The following C2CD2 variants were observed in gnomAD, a reference collection of about 807,000 sequenced individuals.
C2CD2 encodes C2 calcium dependent domain containing 2.
C2CD2 carries 43 observed loss-of-function variants against 74.3 expected under a neutral mutation model. The observed-to-expected ratio is 0.58, with a 90% CI of 0.45 to 0.75. The LOEUF (loss-of-function observed/expected upper bound fraction) is 0.75. Among genes scored for constraint, C2CD2 ranks in the 30% least tolerant of loss-of-function variants. The pLI, the probability that C2CD2 is intolerant of heterozygous loss-of-function variation, is 0.00. For missense variants in C2CD2, 801 were observed against 916.3 expected (o/e 0.87, Z 1.63); for synonymous variants, 422 against 390.7 (o/e 1.08, Z -0.94).
intron 1 of C2CD2, among the ~76,000 whole-genome samples, chr21:41,944,521 C>A (rs1315445889): frequency 2.7e-3 from 266 of 97,880 alleles, no homozygotes; most frequent in East Asian, 5.2e-3. Flanking sequence ...GACTCTGCCT[C>A]AAAAAAAAAA....
intron 11 of C2CD2, among the ~76,000 whole-genome samples, chr21:41,904,441 T>G (rs928543384): frequency 3.9e-5 from 6 of 152,174 alleles, no homozygotes; most frequent in African/African-American, 1.4e-4. Context: ...GAGTAGCCAT[T>G]CTTTTATTCC....
chr21:41,906,912 A>G, intron 10 of C2CD2, 80 bp downstream of exon 10: 3 of 1,113,576 alleles, frequency 2.7e-6, no homozygotes, highest in Non-Finnish European at 4.0e-6. Context: ...CAGGCTCCAG[A>G]ACTCTGCAGT....
chr21:41,949,784 T>G (rs2065435019), intron 1 of C2CD2, among the ~76,000 whole-genome samples: 1 of 152,300 alleles, frequency 6.6e-6, no homozygotes, highest in Middle Eastern at 3.4e-3. Flanking sequence ...GTGGCACATA[T>G]ACACCATGGA....
Position 41,947,112 on chromosome 21 carries a change from T to TTCTCTCCCTCTCTCTCTCTC in C2CD2, c.280-4868_280-4867insGAGAGAGAGAGAGGGAGAGA, listed in dbSNP as rs1555906756. On this transcript the variant is annotated intron_variant, in intron 1 of 13. Transcript: ENST00000380486. ...TTTCTTTCTTTCTTTCCTTTCTCTTTTCTCTCTCTCTCTCTCTCTCTCTCT... is the reference window on the plus strand; with the variant it reads ...TTTCTTTCTTTCTTTCCTTTCTCTTTTCTCTCCCTCTCTCTCTCTCTCTCTCTCTCTCTCTCTCTCTCTCT... Among the ~76,000 whole-genome samples the TTCTCTCCCTCTCTCTCTCTC allele has an allele frequency of 1.0e-3, 27 of 26,212 alleles. 3 individuals carry two copies. The highest frequency in any genetic ancestry group is 2.2e-3 in the African/African-American group (13 of 5,804). The allele number at this position is 26,212 out of a possible 152,430, so 17.2% of individuals were successfully genotyped here. A position where few individuals can be genotyped will look rare whatever the true frequency, so the allele number is the denominator to read the frequency against.
chr21:41,942,382 A>G, intron 1 of C2CD2, 137 bp from the exon 2 acceptor site: 1 of 679,814 alleles, frequency 1.5e-6, no homozygotes, highest in Non-Finnish European at 2.5e-6. Context: ...TTCTAATAGC[A>G]GCAATGGCTA....
intron 2 of C2CD2, among the ~76,000 whole-genome samples, chr21:41,930,655 T>C (rs1020318753): frequency 1.3e-5 from 2 of 149,232 alleles, no homozygotes; most frequent in African/African-American, 4.9e-5. Flanking sequence ...TAAGCCAAGA[T>C]TGCGCCACTG....
chr21:41,893,242 C>T (rs1456981277), intron 13 of C2CD2, among the ~76,000 whole-genome samples: 1 of 152,168 alleles, frequency 6.6e-6, no homozygotes, highest in African/African-American at 2.4e-5. Flanking sequence ...TGAAATTGTA[C>T]TACAAGTGCC....
At chr21:41,920,198 C>G (rs1263740096) in intron 3 of C2CD2, among the ~76,000 whole-genome samples, 1 of 152,360 alleles carries the variant, frequency 6.6e-6, no homozygotes, top group East Asian at 1.9e-4. Flanking sequence ...CCTGACAGCT[C>G]CTGGATTTGG....
intron 2 of C2CD2, among the ~76,000 whole-genome samples, chr21:41,927,920 G>GC (rs1569076569): frequency 6.6e-6 from 1 of 152,000 alleles, no homozygotes; most frequent in African/African-American, 2.4e-5. Context: ...CTCCAACCCC[G>GC]CCCCCAGCAA....
Position 41,905,755 on chromosome 21 carries a change from G to C in C2CD2, c.1401C>G (p.Pro467=). ...SVQAIACRSA[P]VSKTLSSSDT... ...CTGAAGAAGAGAGTGTTTTGCTGACGGGGGCGCTGCGGCAGGCGATGGCCT... is the reference window on the plus strand; with the variant it reads ...CTGAAGAAGAGAGTGTTTTGCTGACCGGGGCGCTGCGGCAGGCGATGGCCT... The change falls in exon 11 of 14, where the codon CCC becomes CCG. Residue 467 remains proline, a synonymous_variant. Coordinates refer to ENST00000380486, the MANE Select transcript of C2CD2 (RefSeq NM_015500.2). 1.2e-6 allele frequency: 2 copies of C among 1,609,444 alleles called. No homozygotes were observed. Among genetic ancestry groups the C allele is most frequent in the Non-Finnish European group, 8.5e-7 (1 of 1,176,116 alleles).
intron 2 of C2CD2, among the ~76,000 whole-genome samples, chr21:41,938,501 G>C (rs2065327368): frequency 6.6e-6 from 1 of 152,028 alleles, no homozygotes; most frequent in African/African-American, 2.4e-5. Context: ...TCCACCTCCA[G>C]AACCTGCATC....
chr21:41,912,513 C>T (rs1212814152), intron 6 of C2CD2, 73 bp from the exon 7 acceptor site: 5 of 648,586 alleles, frequency 7.7e-6, no homozygotes, highest in African/African-American at 6.0e-5. Context: ...TTTTTTGAGA[C>T]AGAGTCTCGC....
intron 1 of C2CD2, 133 bp from the exon 2 acceptor site, chr21:41,942,378 T>C (rs2065362107): frequency 5.8e-6 from 4 of 690,538 alleles, no homozygotes; most frequent in East Asian, 2.8e-5. Flanking sequence ...GTGCTTCTAA[T>C]AGCAGCAATG....
At position 41,905,823 on chromosome 21, in the gene C2CD2, T is replaced by C. The variant is rs1246035052; in HGVS notation, c.1333A>G (p.Thr445Ala). The C allele has an allele frequency of 5.7e-6, 9 of 1,591,910 alleles. No individual in the cohort carries two copies. The highest frequency in any genetic ancestry group is 7.8e-6 in the Non-Finnish European group (9 of 1,160,230). The change falls in exon 11 of 14, where the codon ACT becomes GCT. Residue 445 changes from threonine to alanine, a missense_variant. Transcript: ENST00000380486. Reference sequence around the variant, plus strand: ...TCGATCACCTTCACCTTGATGGGAGTCTTCACCGGAGAATCTGCCAGAGGA... The same window carrying C: ...TCGATCACCTTCACCTTGATGGGAGCCTTCACCGGAGAATCTGCCAGAGGA... ...SPLSSDSPVK[T>A]PIKVKVIEKD...
At chr21:41,894,917 C>T (rs1003126133) in intron 13 of C2CD2, 3 of 456,584 alleles carry the variant, frequency 6.6e-6, no homozygotes, top group Non-Finnish European at 1.3e-5. Context: ...GCAGTAACCC[C>T]ATATGGAATG....
intron 4 of C2CD2, among the ~76,000 whole-genome samples, chr21:41,918,526 A>T (rs1002478995): frequency 1.3e-5 from 2 of 152,038 alleles, no homozygotes; most frequent in Non-Finnish European, 2.9e-5. Context: ...GCTGCATATG[A>T]GTGCTAAAAT....
chr21:41,925,734 G>A (rs1003016850), intron 2 of C2CD2, among the ~76,000 whole-genome samples: 11 of 152,148 alleles, frequency 7.2e-5, no homozygotes, highest in African/African-American at 2.2e-4. Context: ...GGGCCCCCAC[G>A]GGCTGAAAGG....
At chr21:41,910,863 A>G (rs1027924181) in intron 7 of C2CD2, among the ~76,000 whole-genome samples, 2 of 152,164 alleles carry the variant, frequency 1.3e-5, no homozygotes, top group South Asian at 2.1e-4. Flanking sequence ...TATTCTTTCT[A>G]ATAGCTTGGG....
chr21:41,940,818 C>A (rs1361722049), intron 2 of C2CD2, among the ~76,000 whole-genome samples: 2 of 152,200 alleles, frequency 1.3e-5, no homozygotes, highest in Admixed American at 1.3e-4. Context: ...CTAACTGCAA[C>A]TCTAGACTGT....
Sources: allele counts gnomAD v4.1 joint callset (sites outside exome capture counted in the v4.1 genomes callset), GRCh38; gene constraint gnomAD v4.1.1; transcripts MANE v1.5; gene names NCBI Gene and HGNC (gene_info 2026-07-23, HGNC 2026-07-21).